The following TRIT1 variants were observed in gnomAD, a reference collection of about 807,000 sequenced individuals.
The protein encoded by TRIT1 is tRNA isopentenyltransferase 1.
In TRIT1, 43 loss-of-function variants were observed where a neutral mutation model predicts 51.2. That is an observed-to-expected ratio of 0.84 (90% CI 0.66 to 1.08). TRIT1 has a LOEUF of 1.08. TRIT1 is among the 50% of genes least tolerant of loss of function. The pLI is 0.00. For synonymous variants in TRIT1, 184 were observed against 203.9 expected (o/e 0.90, Z 0.83); for missense variants, 528 against 578.4 (o/e 0.91, Z 0.89).
intron 1 of TRIT1, among the ~76,000 whole-genome samples, chr1:39,882,380 G>A (rs3845569): frequency 0.18 from 28,131 of 152,172 alleles, 2,666 homozygotes; most frequent in East Asian, 0.3. Flanking sequence ...TATGTTCAGT[G>A]CCAGGCATTT....
intron 8 of TRIT1, 27 bp downstream of exon 8, chr1:39,847,193 T>A (rs759578295): frequency 1.3e-6 from 2 of 1,598,962 alleles, no homozygotes; most frequent in Non-Finnish European, 1.7e-6. Context: ...AACAGACCCA[T>A]AGGATAAAGA....
At chr1:39,848,684 G>A (rs917059142) in intron 5 of TRIT1, among the ~76,000 whole-genome samples, 2 of 151,548 alleles carry the variant, frequency 1.3e-5, no homozygotes, top group Non-Finnish European at 2.9e-5. Context: ...TTAGCTGGGC[G>A]TAGTGGCGCG....
chr1:39,855,055 T>C (rs1195414893), intron 2 of TRIT1, among the ~76,000 whole-genome samples: 1 of 152,210 alleles, frequency 6.6e-6, no homozygotes, highest in Non-Finnish European at 1.5e-5. Context: ...ACGATGTTAC[T>C]TGCCCAGGCT....
Position 39,878,778 on chromosome 1 carries a change from C to T in TRIT1, c.174+4540G>A, listed in dbSNP as rs938880265. 4.5e-4 allele frequency among the ~76,000 whole-genome samples: 68 copies of T among 152,204 alleles called. 1 individual carries two copies. Among genetic ancestry groups the T allele is most frequent in the Non-Finnish European group, 5.9e-5 (4 of 68,042 alleles). The stretch of plus-strand genomic sequence containing the variant: ...CTATCTGTCTTTGATACGAACTTGA[C>T]ATTAGATTCTATTAATATCTCTTAG... On this transcript the variant is annotated intron_variant, in intron 1 of 10. Transcript: ENST00000316891.
chr1:39,876,423 C>T (rs1423847992), intron 1 of TRIT1, among the ~76,000 whole-genome samples: 1 of 152,052 alleles, frequency 6.6e-6, no homozygotes, highest in Non-Finnish European at 1.5e-5. Context: ...AAAAACATGA[C>T]CACATATGTA....
At chr1:39,869,634 C>A (rs924281903) in intron 1 of TRIT1, among the ~76,000 whole-genome samples, 1 of 151,886 alleles carries the variant, frequency 6.6e-6, no homozygotes, top group African/African-American at 2.4e-5. Flanking sequence ...CTCTTCCCGG[C>A]CGCCATCCCA....
In TRIT1 at chr1:39,838,652, ATATG is replaced by A. The variant is rs1377254989; in HGVS notation, c.*3088_*3091del. Reference sequence around the variant, plus strand: ...ATACCCGGCATGCATACATATATATATATGTAAGTATGTATGTATGTATATATTT... The same window carrying A: ...ATACCCGGCATGCATACATATATATATAAGTATGTATGTATGTATATATTT... On this transcript the variant is annotated 3_prime_UTR_variant, in exon 11 of 11. Coordinates refer to ENST00000316891, the MANE Select transcript of TRIT1 (RefSeq NM_017646.6). Among the ~76,000 whole-genome samples the A allele has an allele frequency of 2.0e-5, 3 of 151,416 alleles. No homozygotes were observed. The highest frequency in any genetic ancestry group is 4.9e-5 in the African/African-American group (2 of 41,108).
intron 1 of TRIT1, among the ~76,000 whole-genome samples, chr1:39,869,995 C>A (rs1206657315): frequency 1.3e-5 from 2 of 152,200 alleles, no homozygotes; most frequent in Non-Finnish European, 1.5e-5. Context: ...CCGGCCGCCA[C>A]CCCGTCTGGG....
intron 1 of TRIT1, among the ~76,000 whole-genome samples, chr1:39,879,872 C>CA (rs11406062): frequency 0.1 from 5,042 of 48,680 alleles, 313 homozygotes; most frequent in African/African-American, 0.12. Context: ...AACTCCATCT[C>CA]AAAAAAAAAA....
At chr1:39,852,534 A>G in intron 4 of TRIT1, 197 bp downstream of exon 4, 1 of 646,504 alleles carries the variant, frequency 1.5e-6, no homozygotes, top group Non-Finnish European at 2.7e-6. Context: ...AAAATGTAAC[A>G]AAGTAGGCTG....
At chr1:39,862,937 T>C (rs528791433) in intron 1 of TRIT1, 1 of 985,460 alleles carries the variant, frequency 1.0e-6, no homozygotes, top group Admixed American at 6.1e-5. Context: ...ACTTGTGATC[T>C]GTGTGCATGG....
intron 1 of TRIT1, among the ~76,000 whole-genome samples, chr1:39,880,104 G>A (rs71644606): frequency 0.019 from 2,950 of 151,514 alleles, 48 homozygotes; most frequent in Middle Eastern, 0.034. Flanking sequence ...GAATCCTGGA[G>A]GCGGAGGTTG....
chr1:39,846,991 A>G (rs945149384), intron 8 of TRIT1: 13 of 440,060 alleles, frequency 3.0e-5, no homozygotes, highest in African/African-American at 2.4e-4. Flanking sequence ...GCCAGTATCC[A>G]TCTGTTCAAG....
At chr1:39,850,981 T>C (rs1642528221) in intron 4 of TRIT1, among the ~76,000 whole-genome samples, 1 of 152,232 alleles carries the variant, frequency 6.6e-6, no homozygotes. Flanking sequence ...CCGTATCTAT[T>C]ATGTTATGCA....
chr1:39,841,661 T>C lies in TRIT1; in HGVS notation c.*83A>G. The C allele has an allele frequency of 7.0e-7, 1 of 1,436,368 alleles. No individual in the cohort carries two copies. The highest frequency in any genetic ancestry group is 9.4e-7 in the Non-Finnish European group (1 of 1,065,444). The allele number at this position is 1,436,368 out of a possible 1,614,324, so 89.0% of individuals were successfully genotyped here. ...TGCAGAGAATTCCGCATAGCACTCC[T>C]TTGCCCAGACTGGGAGACAAACATA... is the stretch of plus-strand genomic sequence containing the variant. On this transcript the variant is annotated 3_prime_UTR_variant, in exon 11 of 11. Transcript: ENST00000316891.
intron 1 of TRIT1, chr1:39,881,696 A>G (rs766457672): frequency 1.3e-5 from 2 of 152,194 alleles, no homozygotes; most frequent in Non-Finnish European, 2.9e-5. Context: ...CTTTCCTTTA[A>G]TAAGCTTTTT....
At chr1:39,869,190 T>G (rs1205838331) in intron 1 of TRIT1, among the ~76,000 whole-genome samples, 3 of 148,782 alleles carry the variant, frequency 2.0e-5, no homozygotes, top group Non-Finnish European at 4.5e-5. Flanking sequence ...CTCGGCTCAC[T>G]GCAACCTCCC....
At chr1:39,846,148 G>A (rs1214585332) in intron 8 of TRIT1, among the ~76,000 whole-genome samples, 3 of 152,228 alleles carry the variant, frequency 2.0e-5, no homozygotes, top group Non-Finnish European at 4.4e-5. Flanking sequence ...AGGATAAGTA[G>A]AGGAAAGCAC....
At chr1:39,861,308 GAGTTCAAAAT>G (rs1159227504) in intron 1 of TRIT1, among the ~76,000 whole-genome samples, 1 of 151,992 alleles carries the variant, frequency 6.6e-6, no homozygotes, top group Admixed American at 6.6e-5. Context: ...GCAGACCCAG[GAGTTCAAAAT>G]CAACCTAGGC....
Sources: gnomAD v4.1 joint callset for allele counts (sites outside exome capture counted in the v4.1 genomes callset) on GRCh38, gnomAD v4.1.1 for gene constraint, MANE v1.5 for transcripts, NCBI Gene and HGNC (gene_info 2026-07-23, HGNC 2026-07-21) for gene names.